HS6ST3: variants seen among roughly 807,000 people sequenced by gnomAD.
HS6ST3 encodes heparan-sulfate 6-O-sulfotransferase 3.
HS6ST3 carries 12 observed loss-of-function variants against 36.7 expected under a neutral mutation model. The observed-to-expected ratio is 0.33, with a 90% confidence interval of 0.21 to 0.53. The LOEUF (loss-of-function observed/expected upper bound fraction) is 0.53, where lower values mean the gene tolerates loss of function less well. Among genes scored for constraint, HS6ST3 ranks in the 20% least tolerant of loss-of-function variants. The pLI, the probability that HS6ST3 is intolerant of heterozygous loss-of-function variation, is 0.95. For missense variants in HS6ST3, 584 were observed against 640.9 expected (o/e 0.91, Z 0.96); for synonymous variants, 240 against 257.5 (o/e 0.93, Z 0.65).
chr13:96,163,538 C>T (rs962904224), intron 1 of HS6ST3, among the ~76,000 whole-genome samples: 2 of 152,058 alleles, frequency 1.3e-5, no homozygotes, highest in Non-Finnish European at 2.9e-5. Flanking sequence ...CCCTGTGATA[C>T]ATTTTTTAAA....
At chr13:96,230,652 C>T (rs1347991609) in intron 1 of HS6ST3, among the ~76,000 whole-genome samples, 1 of 152,002 alleles carries the variant, frequency 6.6e-6, no homozygotes, top group Non-Finnish European at 1.5e-5. Flanking sequence ...GTATGGAAGC[C>T]AAGAGAGGAC....
chr13:96,109,959 C>G (rs1322390831), intron 1 of HS6ST3, among the ~76,000 whole-genome samples: 1 of 152,102 alleles, frequency 6.6e-6, no homozygotes, highest in Admixed American at 6.5e-5. Flanking sequence ...CACCAGTATG[C>G]AGTGAGGGAT....
intron 1 of HS6ST3, among the ~76,000 whole-genome samples, chr13:96,804,707 T>C (rs1878156533): frequency 6.6e-6 from 1 of 152,130 alleles, no homozygotes; most frequent in Admixed American, 6.6e-5. Flanking sequence ...AAGCTTTCAT[T>C]TCAACAATAA....
Position 96,090,903 on chromosome 13 carries a change from TC to T in HS6ST3, c.42del (p.Thr15LeufsTer117). 6.6e-7 allele frequency: 1 copy of T among 1,512,880 alleles called. No homozygotes were observed. Among genetic ancestry groups the T allele is most frequent in the Non-Finnish European group, 8.9e-7 (1 of 1,125,860 alleles). The allele number at this position is 1,512,880 out of a possible 1,614,324, so 93.7% of individuals were successfully genotyped here. ...RFNKWLLTPV[L>X]TLLFVVIMYQ... ...AACAAGTGGCTGCTGACGCCGGTGCTCACTCTCCTCTTCGTGGTCATCATGT... is the reference window on the plus strand; with the variant it reads ...AACAAGTGGCTGCTGACGCCGGTGCTACTCTCCTCTTCGTGGTCATCATGT... On this transcript the variant is annotated frameshift_variant, in exon 1 of 2. Transcript: ENST00000376705. LOFTEE classifies it high-confidence loss of function.
At chr13:96,464,596 AAT>A (rs1377706445) in intron 1 of HS6ST3, among the ~76,000 whole-genome samples, 1 of 152,202 alleles carries the variant, frequency 6.6e-6, no homozygotes, top group Non-Finnish European at 1.5e-5. Context: ...GTAAAAATAG[AAT>A]ATATAAGTAC....
intron 1 of HS6ST3, among the ~76,000 whole-genome samples, chr13:96,654,326 G>T (rs568451258): frequency 2.6e-5 from 4 of 152,228 alleles, no homozygotes; most frequent in African/African-American, 7.2e-5. Flanking sequence ...TTCTTCTAGG[G>T]TTTTTATGGT....
At chr13:96,483,885 C>G (rs7326735) in intron 1 of HS6ST3, among the ~76,000 whole-genome samples, 2,360 of 152,234 alleles carry the variant, frequency 0.016, 68 homozygotes, top group African/African-American at 0.053. Context: ...TTGCACTTAA[C>G]ATTTAGGTCT....
chr13:96,716,261 T>C (rs1210748550), intron 1 of HS6ST3, among the ~76,000 whole-genome samples: 1 of 152,124 alleles, frequency 6.6e-6, no homozygotes, highest in Non-Finnish European at 1.5e-5. Context: ...TTTTGTAAAG[T>C]AGAAATTAAT....
intron 1 of HS6ST3, among the ~76,000 whole-genome samples, chr13:96,459,357 A>C (rs1165628860): frequency 6.6e-6 from 1 of 152,094 alleles, no homozygotes; most frequent in Non-Finnish European, 1.5e-5. Context: ...ACTGACTTCA[A>C]AAAAGGGCTA....
At chr13:96,201,787 A>G (rs2054343265) in intron 1 of HS6ST3, among the ~76,000 whole-genome samples, 1 of 152,196 alleles carries the variant, frequency 6.6e-6, no homozygotes, top group Non-Finnish European at 1.5e-5. Flanking sequence ...GCACAGTTTC[A>G]TTACATTTTT....
chr13:96,176,490 C>G (rs1325338070), intron 1 of HS6ST3, among the ~76,000 whole-genome samples: 1 of 151,310 alleles, frequency 6.6e-6, no homozygotes, highest in Non-Finnish European at 1.5e-5. Context: ...AAAACCAGAC[C>G]TTAGGTACCT....
intron 1 of HS6ST3, among the ~76,000 whole-genome samples, chr13:96,098,918 A>G (rs183322012): frequency 2.0e-5 from 3 of 151,894 alleles, no homozygotes; most frequent in African/African-American, 7.3e-5. Flanking sequence ...TTCTCCTGAG[A>G]CTCATCTCAT....
rs202222824 is a variant in HS6ST3 at position 96,326,178 on chromosome 13, T to A, written c.707+234609T>A. Among the ~76,000 whole-genome samples the A allele has an allele frequency of 3.1e-3, 321 of 102,100 alleles. 3 individuals carry two copies. The highest frequency in any genetic ancestry group is 9.6e-3 in the African/African-American group (285 of 29,692). The allele number at this position is 102,100 out of a possible 152,430, so 67.0% of individuals were successfully genotyped here. A position where few individuals can be genotyped will look rare whatever the true frequency, so the allele number is the denominator to read the frequency against. ...TATATTCATTTTTTCTTTTTTTTTT[T>A]AATTTTTTTTTATTATACTTTAAGT... is the stretch of plus-strand genomic sequence containing the variant. On this transcript the variant is annotated intron_variant, in intron 1 of 1. Coordinates refer to ENST00000376705, the MANE Select transcript of HS6ST3 (RefSeq NM_153456.4).
chr13:96,648,038 A>G (rs1314547710), intron 1 of HS6ST3, among the ~76,000 whole-genome samples: 1 of 152,062 alleles, frequency 6.6e-6, no homozygotes, highest in Non-Finnish European at 1.5e-5. Context: ...AATATATTTC[A>G]TAAGTTTAGT....
At chr13:96,650,694 G>A (rs920493274) in intron 1 of HS6ST3, among the ~76,000 whole-genome samples, 3 of 151,966 alleles carry the variant, frequency 2.0e-5, no homozygotes, top group Non-Finnish European at 4.4e-5. Context: ...GAATGATGTG[G>A]GTGAATGCAT....
intron 1 of HS6ST3, chr13:96,169,448 C>T (rs1239999193): frequency 6.6e-6 from 1 of 152,344 alleles, no homozygotes; most frequent in East Asian, 1.9e-4. Context: ...GGAAAGGATC[C>T]CTGAGCAAGT....
chr13:96,332,751 A>G (rs1243316003), intron 1 of HS6ST3, among the ~76,000 whole-genome samples: 1 of 152,244 alleles, frequency 6.6e-6, no homozygotes, highest in Non-Finnish European at 1.5e-5. Flanking sequence ...CTAAACCATG[A>G]ACTGACTTGT....
At chr13:96,389,951 G>A (rs1042677012) in intron 1 of HS6ST3, among the ~76,000 whole-genome samples, 1 of 152,224 alleles carries the variant, frequency 6.6e-6, no homozygotes, top group African/African-American at 2.4e-5. Flanking sequence ...CCAATAAGAG[G>A]TCACCAAAAA....
chr13:96,134,333 T>C (rs1000064943), intron 1 of HS6ST3, among the ~76,000 whole-genome samples: 6 of 152,088 alleles, frequency 3.9e-5, no homozygotes, highest in African/African-American at 1.4e-4. Flanking sequence ...TTTAATACTT[T>C]ATATGGTAAT....
Sources: allele counts gnomAD v4.1 joint callset (sites outside exome capture counted in the v4.1 genomes callset), GRCh38; gene constraint gnomAD v4.1.1; transcripts MANE v1.5; gene names NCBI Gene and HGNC (gene_info 2026-07-23, HGNC 2026-07-21).